CAP2: variants seen among roughly 807,000 people sequenced by gnomAD.
CAP2 encodes adenylyl cyclase-associated protein 2.
Under a neutral mutation model 57.7 loss-of-function variants are expected in CAP2, and 24 were observed. The ratio of observed to expected loss-of-function variants is 0.42; its 90% CI spans 0.30 to 0.58. The LOEUF is 0.58. Among genes scored for constraint, CAP2 ranks in the 20% least tolerant of loss-of-function variants. The pLI is 0.22. For synonymous variants in CAP2, 194 were observed against 207.2 expected (o/e 0.94, Z 0.55); for missense variants, 501 against 590.3 (o/e 0.85, Z 1.57).
intron 4 of CAP2, among the ~76,000 whole-genome samples, chr6:17,473,080 C>G (rs1282925695): frequency 6.6e-6 from 1 of 151,028 alleles, no homozygotes; most frequent in Admixed American, 6.6e-5. Context: ...GCTCATCTCT[C>G]TTTGTATAAG....
At chr6:17,439,096 G>C (rs1759993464) in intron 3 of CAP2, among the ~76,000 whole-genome samples, 1 of 151,016 alleles carries the variant, frequency 6.6e-6, no homozygotes, top group Admixed American at 6.6e-5. Context: ...GGGCTACAGA[G>C]CGAGACTCTG....
chr6:17,533,486 G>A (rs1275068892), intron 7 of CAP2, among the ~76,000 whole-genome samples: 6 of 151,844 alleles, frequency 4.0e-5, no homozygotes, highest in East Asian at 1.9e-4. Flanking sequence ...AGCATTTTTC[G>A]GCGTTGTGCT....
At chr6:17,467,493 T>C (rs1196479906) in intron 4 of CAP2, among the ~76,000 whole-genome samples, 2 of 152,170 alleles carry the variant, frequency 1.3e-5, no homozygotes, top group Non-Finnish European at 2.9e-5. Context: ...TATTTATCCT[T>C]TGTGTTGCAA....
chr6:17,542,316 G>A (rs967937029), intron 9 of CAP2, among the ~76,000 whole-genome samples: 1 of 152,150 alleles, frequency 6.6e-6, no homozygotes, highest in African/African-American at 2.4e-5. Context: ...ACCCCCCACT[G>A]CCCGGGCTAA....
intron 7 of CAP2, among the ~76,000 whole-genome samples, chr6:17,520,749 T>G (rs948251273): frequency 6.6e-6 from 1 of 152,240 alleles, no homozygotes; most frequent in South Asian, 2.1e-4. Flanking sequence ...TGTCATTAAC[T>G]ATGAATATGT....
chr6:17,532,556 G>T (rs1368024070), intron 7 of CAP2, among the ~76,000 whole-genome samples: 1 of 148,460 alleles, frequency 6.7e-6, no homozygotes, highest in African/African-American at 2.5e-5. Flanking sequence ...GACCAGTCTG[G>T]CCAACATAGT....
chr6:17,447,204 A>G (rs1322460062), intron 3 of CAP2, among the ~76,000 whole-genome samples: 1 of 150,778 alleles, frequency 6.6e-6, no homozygotes, highest in African/African-American at 2.4e-5. Context: ...GTTTGTAGAG[A>G]CAGGGGGATC....
chr6:17,536,076 C>A (rs955686357), intron 7 of CAP2, among the ~76,000 whole-genome samples: 2 of 152,220 alleles, frequency 1.3e-5, no homozygotes, highest in Non-Finnish European at 2.9e-5. Flanking sequence ...AGCCCAGCCA[C>A]CCAAAGTGCT....
chr6:17,450,115 G>T (rs912867820), intron 3 of CAP2, among the ~76,000 whole-genome samples: 2 of 150,328 alleles, frequency 1.3e-5, no homozygotes, highest in African/African-American at 4.9e-5. Context: ...GCAGTGGCAC[G>T]ATCTCGGCTC....
intron 7 of CAP2, among the ~76,000 whole-genome samples, chr6:17,529,779 C>T (rs990792007): frequency 6.6e-6 from 1 of 151,170 alleles, no homozygotes; most frequent in Non-Finnish European, 1.5e-5. Context: ...TTAATCACTC[C>T]CTCCTATTAT....
chr6:17,536,514 G>A (rs896903138), intron 7 of CAP2, among the ~76,000 whole-genome samples: 2 of 152,158 alleles, frequency 1.3e-5, no homozygotes, highest in South Asian at 2.1e-4. Context: ...CAACTTTGTA[G>A]CATTAAATGC....
At chr6:17,405,139 T>A (rs1314801183) in intron 1 of CAP2, among the ~76,000 whole-genome samples, 2 of 152,106 alleles carry the variant, frequency 1.3e-5, no homozygotes, top group Non-Finnish European at 2.9e-5. Flanking sequence ...CCCCAGCACT[T>A]TGGGAGGCCG....
rs185285012 is a variant in CAP2, at chr6:17,518,907, G to A, written c.636+4953G>A. Reference sequence around the variant, plus strand: ...CCCACCTCGGCCTCAGAAAGTGCTGGGATTACAGGCGTGAGCCACCACATC... The same window carrying A: ...CCCACCTCGGCCTCAGAAAGTGCTGAGATTACAGGCGTGAGCCACCACATC... On this transcript the variant is annotated intron_variant, in intron 7 of 12. Transcript: ENST00000229922. Among the ~76,000 whole-genome samples, 24 of 152,090 alleles carry A rather than the reference G, an allele frequency of 1.6e-4. No individual in the cohort carries two copies. The East Asian group carries it at 3.9e-3, about 25-fold the overall frequency.
At chr6:17,464,564 T>TC (rs1760814384) in intron 4 of CAP2, among the ~76,000 whole-genome samples, 1 of 152,168 alleles carries the variant, frequency 6.6e-6, no homozygotes, top group African/African-American at 2.4e-5. Flanking sequence ...CCCAAGGGAC[T>TC]GTGACTTCAT....
intron 3 of CAP2, among the ~76,000 whole-genome samples, chr6:17,440,155 A>T (rs1190109238): frequency 6.6e-6 from 1 of 151,634 alleles, no homozygotes; most frequent in Non-Finnish European, 1.5e-5. Context: ...CAAAATCAGG[A>T]TATGTCTCTC....
At chr6:17,535,012 A>G (rs1172254910) in intron 7 of CAP2, among the ~76,000 whole-genome samples, 1 of 152,192 alleles carries the variant, frequency 6.6e-6, no homozygotes, top group Non-Finnish European at 1.5e-5. Context: ...CAACAAAACC[A>G]GCATCCAGGG....
At chr6:17,471,072 C>T (rs1761004352) in intron 4 of CAP2, among the ~76,000 whole-genome samples, 1 of 152,138 alleles carries the variant, frequency 6.6e-6, no homozygotes, top group South Asian at 2.1e-4. Context: ...TTTAAAATGC[C>T]AAACAAAGTA....
chr6:17,494,005 A>G (rs928631853), intron 4 of CAP2, among the ~76,000 whole-genome samples: 1 of 152,074 alleles, frequency 6.6e-6, no homozygotes, highest in Non-Finnish European at 1.5e-5. Context: ...CTGACTCCTC[A>G]TTTGCTTTGA....
chr6:17,399,470 G>A (rs184350376), intron 1 of CAP2, among the ~76,000 whole-genome samples: 5 of 152,298 alleles, frequency 3.3e-5, no homozygotes, highest in African/African-American at 1.2e-4. Flanking sequence ...GAGAAATTAT[G>A]TGAAGGGATT....
Sources: gnomAD v4.1 joint callset for allele counts (sites outside exome capture counted in the v4.1 genomes callset) on GRCh38, gnomAD v4.1.1 for gene constraint, MANE v1.5 for transcripts, NCBI Gene and HGNC (gene_info 2026-07-23, HGNC 2026-07-21) for gene names.